Variants in CFAP70 observed in about 807,000 individuals in gnomAD.
The protein encoded by CFAP70 is cilia- and flagella-associated protein 70.
A neutral mutation model predicts 137.6 loss-of-function variants in CFAP70; 81 were observed. The ratio of observed to expected loss-of-function variants is 0.59; its 90% CI spans 0.49 to 0.71. The LOEUF (loss-of-function observed/expected upper bound fraction) is 0.71, where lower values mean the gene tolerates loss of function less well. Ranked by LOEUF, CFAP70 falls within the 30% of genes least tolerant of loss-of-function variation. The pLI is 0.00. For synonymous variants in CFAP70, 382 were observed against 423.6 expected, an observed-to-expected ratio of 0.90 and a Z score of 1.20; for missense variants, 976 against 1,226.7, an observed-to-expected ratio of 0.80 and a Z score of 3.05.
Position 73,331,074 on chromosome 10 carries a change from A to G in CFAP70, c.777+103T>C. 2.7e-6 allele frequency: 2 copies of G among 752,158 alleles called. 1 individual carries two copies. Among genetic ancestry groups the G allele is most frequent in the South Asian group, 3.5e-5 (2 of 57,666 alleles). 46.6% of individuals were successfully genotyped at this position (752,158 alleles called of 1,614,324 possible). ...ATGAGCTAGTCACCCTTAGGAGAACAGCTATGTTCACATTTTCTTTTGGTA... is the reference window on the plus strand; with the variant it reads ...ATGAGCTAGTCACCCTTAGGAGAACGGCTATGTTCACATTTTCTTTTGGTA... On this transcript the variant is annotated intron_variant, in intron 8 of 26. Transcript: ENST00000310715.
At chr10:73,278,398 T>C (rs1271346263) in intron 19 of CFAP70, 61 bp from the exon 21 acceptor site, 1 of 1,406,208 alleles carries the variant, frequency 7.1e-7, no homozygotes, top group African/African-American at 1.4e-5. Context: ...TAAAGGTTAT[T>C]GTAAGAGATA....
intron 5 of CFAP70, among the ~76,000 whole-genome samples, 177 bp from the exon 7 acceptor site, chr10:73,341,758 C>T (rs1429736067): frequency 6.6e-6 from 1 of 152,198 alleles, no homozygotes; most frequent in African/African-American, 2.4e-5. Context: ...TATTTTACAA[C>T]TCTGTAACTT....
chr10:73,313,930 CA>C (rs2050137330), intron 9 of CFAP70, among the ~76,000 whole-genome samples: 2 of 152,162 alleles, frequency 1.3e-5, no homozygotes, highest in Non-Finnish European at 2.9e-5. Context: ...ACTGACCTAT[CA>C]GTTATAATTG....
intron 18 of CFAP70, 39 bp from the exon 20 acceptor site, chr10:73,291,483 T>G: frequency 6.3e-7 from 1 of 1,584,046 alleles, no homozygotes; most frequent in Non-Finnish European, 8.7e-7. Flanking sequence ...ATGACTATTT[T>G]CCCACTATCA....
rs544985995 is a variant in CFAP70, at chr10:73,256,747, C to T, written c.3028-331G>A. ...TGAAACCCCGTCTCTAATAAAAATA[C>T]ACAAAATTAGCCGGGTGTGGTGGCA... On this transcript the variant is annotated intron_variant, in intron 25 of 26. Transcript: ENST00000310715. 1.4e-3 allele frequency among the ~76,000 whole-genome samples: 214 copies of T among 151,638 alleles called. 1 individual carries two copies. The highest frequency in any genetic ancestry group is 1.3e-3 in the Non-Finnish European group (90 of 67,862).
At chr10:73,340,765 C>A (rs2053174762) in intron 6 of CFAP70, among the ~76,000 whole-genome samples, 1 of 152,228 alleles carries the variant, frequency 6.6e-6, no homozygotes. Flanking sequence ...CAGCACCAGG[C>A]TTGGCCACAG....
intron 19 of CFAP70, among the ~76,000 whole-genome samples, chr10:73,281,697 CAT>C (rs139023973): frequency 0.021 from 3,121 of 152,220 alleles, 95 homozygotes; most frequent in African/African-American, 0.071. Flanking sequence ...CAAAAGGACA[CAT>C]GTGATTGCAA....
At chr10:73,337,614 AC>A (rs1377641667) in intron 6 of CFAP70, among the ~76,000 whole-genome samples, 1 of 151,616 alleles carries the variant, frequency 6.6e-6, no homozygotes, top group Non-Finnish European at 1.5e-5. Context: ...AAAGAAAAGA[AC>A]TTTTATCTGC....
Position 73,348,368 on chromosome 10 carries a change from G to T in CFAP70, c.349+55C>A, listed in dbSNP as rs766196559. The T allele has an allele frequency of 5.8e-6, 9 of 1,562,420 alleles. No homozygotes were observed. The South Asian group carries it at 1.0e-4, about 17-fold the overall frequency. On this transcript the variant is annotated intron_variant, in intron 4 of 26. Transcript: ENST00000310715. ...GAGGCTAATTTCTATATCTCTCTGG[G>T]GCTAAGTTTTATGAGCTTTTCCATT...
chr10:73,327,857 G>T (rs1378953701), intron 8 of CFAP70, among the ~76,000 whole-genome samples: 1 of 152,102 alleles, frequency 6.6e-6, no homozygotes, highest in Non-Finnish European at 1.5e-5. Context: ...AGAAATGGAA[G>T]AACATTCCAT....
In CFAP70 at chr10:73,274,610, G is replaced by T; in HGVS notation, c.2674-16C>A. ...CATTGGGGTTCTGGGAAAGTGAAAA[G>T]CAAGTAGTATATGGGATAAGGTAGT... On this transcript the variant is annotated splice_polypyrimidine_tract_variant and intron_variant, in intron 22 of 26. Transcript: ENST00000310715. 1 of 1,609,828 alleles carries T rather than the reference G, an allele frequency of 6.2e-7. No individual in the cohort carries two copies. Among genetic ancestry groups the T allele is most frequent in the Non-Finnish European group, 8.5e-7 (1 of 1,178,264 alleles).
At chr10:73,351,769 T>G (rs1008831255) in intron 3 of CFAP70, among the ~76,000 whole-genome samples, 3 of 152,238 alleles carry the variant, frequency 2.0e-5, no homozygotes, top group African/African-American at 7.2e-5. Flanking sequence ...CTTCCAGTTT[T>G]TGGAATGACT....
intron 19 of CFAP70, among the ~76,000 whole-genome samples, chr10:73,279,889 T>G (rs2047132774): frequency 6.6e-6 from 1 of 151,808 alleles, no homozygotes; most frequent in African/African-American, 2.4e-5. Context: ...AAAATAACCT[T>G]TAAAAATTGC....
intron 9 of CFAP70, 21 bp downstream of exon 10, chr10:73,322,942 T>A (rs753469026): frequency 6.4e-7 from 1 of 1,571,956 alleles, no homozygotes; most frequent in Non-Finnish European, 8.6e-7. Context: ...CCATGATGAT[T>A]TTTATGCAAT....
intron 6 of CFAP70, among the ~76,000 whole-genome samples, chr10:73,335,861 C>G (rs111925415): frequency 2.7e-4 from 40 of 150,026 alleles, no homozygotes; most frequent in African/African-American, 8.8e-4. Flanking sequence ...AACACCTGGA[C>G]CCGGTGCAGT....
At chr10:73,283,256 G>C (rs978629853) in intron 19 of CFAP70, among the ~76,000 whole-genome samples, 9 of 152,148 alleles carry the variant, frequency 5.9e-5, no homozygotes, top group Non-Finnish European at 8.8e-5. Context: ...TTATTGCCTA[G>C]GATATAGTTT....
intron 4 of CFAP70, among the ~76,000 whole-genome samples, chr10:73,347,204 G>C (rs1251886798): frequency 6.6e-6 from 1 of 152,096 alleles, no homozygotes; most frequent in African/African-American, 2.4e-5. Context: ...CATTATAAAG[G>C]ATGCTATATG....
chr10:73,360,395 G>C (rs1386496370), upstream of CFAP70, among the ~76,000 whole-genome samples: 1 of 152,042 alleles, frequency 6.6e-6, no homozygotes, highest in African/African-American at 2.4e-5. Context: ...CACACACAGT[G>C]AGCAATGGAA....
In CFAP70 at chr10:73,291,463, T is replaced by C; in HGVS notation, c.2021-19A>G. 1 of 1,604,556 alleles carries C rather than the reference T, an allele frequency of 6.2e-7. No individual in the cohort carries two copies. Among genetic ancestry groups the C allele is most frequent in the Non-Finnish European group, 8.5e-7 (1 of 1,171,438 alleles). ...TACAAACCTGGGGAAAGAAAAATGT[T>C]GAAATACATATGACTATTTTCCCAC... is the stretch of plus-strand genomic sequence containing the variant. On this transcript the variant is annotated intron_variant, in intron 18 of 26. Transcript: ENST00000310715.
Sources: gnomAD v4.1 joint callset for allele counts (sites outside exome capture counted in the v4.1 genomes callset) on GRCh38, gnomAD v4.1.1 for gene constraint, MANE v1.5 for transcripts, NCBI Gene and HGNC (gene_info 2026-07-23, HGNC 2026-07-21) for gene names.